LARGE1: variants seen among roughly 807,000 people sequenced by gnomAD.
LARGE1 encodes LARGE xylosyl- and glucuronyltransferase 1.
Under a neutral mutation model 87.6 loss-of-function variants are expected in LARGE1, and 43 were observed. That is an observed-to-expected ratio of 0.49 (90% CI 0.38 to 0.63). The LOEUF (loss-of-function observed/expected upper bound fraction) is 0.63, where lower values mean the gene tolerates loss of function less well. Among genes scored for constraint, LARGE1 ranks in the 30% least tolerant of loss-of-function variants. The probability of loss-of-function intolerance (pLI) is 0.00; values close to 1 mark genes in which losing one functional copy is unlikely to be tolerated. For synonymous variants in LARGE1, 434 were observed against 394.6 expected, an observed-to-expected ratio of 1.10 and a Z score of -1.18; for missense variants, 802 against 1,000.2, an observed-to-expected ratio of 0.80 and a Z score of 2.67.
At position 33,272,553 on chromosome 22, in the gene LARGE1, T is replaced by A. The variant is rs2145786434; in HGVS notation, c.*1874A>T. ...CTTTATACATATATGTCACTTTTTA[T>A]TTATAAATGCTTTGTATATAGGCTA... On this transcript the variant is annotated 3_prime_UTR_variant, in exon 15 of 15. Transcript: ENST00000397394. 6.6e-6 allele frequency among the ~76,000 whole-genome samples: 1 copy of A among 152,354 alleles called. No individual in the cohort carries two copies. Among genetic ancestry groups the A allele is most frequent in the Non-Finnish European group, 1.5e-5 (1 of 68,034 alleles).
At chr22:33,585,503 T>G (rs1405640015) in intron 5 of LARGE1, among the ~76,000 whole-genome samples, 7 of 152,038 alleles carry the variant, frequency 4.6e-5, no homozygotes, top group Admixed American at 4.6e-4. Flanking sequence ...TGTTTGGTAA[T>G]GAGAGACAGA....
intron 2 of LARGE1, among the ~76,000 whole-genome samples, chr22:33,677,492 C>A (rs1603105155): frequency 6.6e-6 from 1 of 152,050 alleles, no homozygotes; most frequent in Non-Finnish European, 1.5e-5. Flanking sequence ...CCCCTTACCC[C>A]TCCCTCACTG....
chr22:33,505,054 C>G (rs139234480), intron 6 of LARGE1, among the ~76,000 whole-genome samples: 17 of 152,358 alleles, frequency 1.1e-4, no homozygotes, highest in Non-Finnish European at 1.8e-4. Context: ...TCTAACTCCT[C>G]AGTACTGAAA....
chr22:33,312,248 G>C (rs574313894), intron 11 of LARGE1, among the ~76,000 whole-genome samples: 5 of 152,140 alleles, frequency 3.3e-5, no homozygotes, highest in South Asian at 4.2e-4. Flanking sequence ...TTGAGACCAT[G>C]CTGGCCAACA....
At chr22:33,284,148 A>C (rs574905220) in intron 12 of LARGE1, among the ~76,000 whole-genome samples, 2 of 152,260 alleles carry the variant, frequency 1.3e-5, no homozygotes, top group Admixed American at 1.3e-4. Context: ...CAGGCACAGA[A>C]GGAAGGCTTC....
At chr22:33,070,726 C>A in the LARGE1 span, among the ~76,000 whole-genome samples, 1 of 152,038 alleles carries the variant, frequency 6.6e-6, no homozygotes, top group African/African-American at 2.4e-5. Context: ...AGGCTTCTGG[C>A]GGAGGTGGTG....
intron 8 of LARGE1, among the ~76,000 whole-genome samples, chr22:33,382,975 A>G (rs2065206297): frequency 6.6e-6 from 1 of 152,252 alleles, no homozygotes; most frequent in Admixed American, 6.5e-5. Flanking sequence ...AAAAAATAGT[A>G]AAGTAATCAT....
intron 9 of LARGE1, among the ~76,000 whole-genome samples, chr22:33,346,840 A>G (rs1939823028): frequency 6.6e-6 from 1 of 152,200 alleles, no homozygotes; most frequent in Non-Finnish European, 1.5e-5. Flanking sequence ...CTGATTTCCC[A>G]GACTACCTTG....
intron 3 of LARGE1, among the ~76,000 whole-genome samples, chr22:33,632,085 A>G (rs1409726472): frequency 6.6e-6 from 1 of 151,810 alleles, no homozygotes; most frequent in Non-Finnish European, 1.5e-5. Flanking sequence ...CTCACTCTCT[A>G]CCCTTCTCCT....
At chr22:33,655,552 A>G (rs2080935270) in intron 2 of LARGE1, among the ~76,000 whole-genome samples, 1 of 152,178 alleles carries the variant, frequency 6.6e-6, no homozygotes. Context: ...GTCAGCTTCC[A>G]TAATCATGCA....
At chr22:33,317,283 C>G (rs1226381353) in intron 10 of LARGE1, among the ~76,000 whole-genome samples, 2 of 151,944 alleles carry the variant, frequency 1.3e-5, no homozygotes. Flanking sequence ...GGAAAATGCC[C>G]AAAGAAGAAA....
intron 11 of LARGE1, among the ~76,000 whole-genome samples, chr22:33,211,305 G>T (rs1445243058): frequency 6.6e-6 from 1 of 152,052 alleles, no homozygotes; most frequent in Non-Finnish European, 1.5e-5. Context: ...CACTTAAAAG[G>T]CTCTAAGTGT....
At chr22:33,283,663 G>A (rs1365576882) in intron 12 of LARGE1, among the ~76,000 whole-genome samples, 2 of 152,086 alleles carry the variant, frequency 1.3e-5, no homozygotes, top group Non-Finnish European at 2.9e-5. Context: ...TGTAGTCCCA[G>A]CTACTTGGGG....
At chr22:33,689,146 T>TCTCTCC (rs1491238261) in intron 2 of LARGE1, among the ~76,000 whole-genome samples, 3 of 12,250 alleles carry the variant, frequency 2.4e-4, no homozygotes, top group African/African-American at 9.2e-4. Flanking sequence ...AAATTTACTG[T>TCTCTCC]CTCTCTCTCT....
chr22:33,501,101 A>C (rs1410145688), intron 6 of LARGE1, among the ~76,000 whole-genome samples: 2 of 152,176 alleles, frequency 1.3e-5, no homozygotes, highest in African/African-American at 4.8e-5. Context: ...GTGACACTTC[A>C]AAGAAGCTCC....
At chr22:33,184,013 A>C (rs137385) in intron 11 of LARGE1, among the ~76,000 whole-genome samples, 88,480 of 147,190 alleles carry the variant, frequency 0.6, 26,915 homozygotes, top group Middle Eastern at 0.67. Flanking sequence ...GTCCTCACCA[A>C]CCCTAACCCC....
chr22:33,534,678 G>A (rs756765402), intron 6 of LARGE1, among the ~76,000 whole-genome samples: 8 of 152,214 alleles, frequency 5.3e-5, no homozygotes, highest in Non-Finnish European at 7.3e-5. Context: ...CCAGGCCTCC[G>A]AGGCGGGGCT....
At chr22:33,552,920 T>C (rs2077572305) in intron 6 of LARGE1, among the ~76,000 whole-genome samples, 1 of 152,144 alleles carries the variant, frequency 6.6e-6, no homozygotes, top group Non-Finnish European at 1.5e-5. Context: ...AGAAGCTGAA[T>C]TGCGAAGTGC....
chr22:33,493,184 A>G (rs2069937811), intron 6 of LARGE1, among the ~76,000 whole-genome samples: 1 of 129,694 alleles, frequency 7.7e-6, no homozygotes. Flanking sequence ...TTTTTGAGAC[A>G]TAGTCTTGCT....
Sources: allele counts gnomAD v4.1 joint callset (sites outside exome capture counted in the v4.1 genomes callset), GRCh38; gene constraint gnomAD v4.1.1; transcripts MANE v1.5; gene names NCBI Gene and HGNC (gene_info 2026-07-23, HGNC 2026-07-21).